The following SGCZ variants were observed in gnomAD, a reference collection of about 807,000 sequenced individuals.
The protein encoded by SGCZ is zeta-sarcoglycan.
Under a neutral mutation model 41.3 loss-of-function variants are expected in SGCZ, and 40 were observed. The ratio of observed to expected loss-of-function variants is 0.97; its 90% CI spans 0.75 to 1.26. The LOEUF (loss-of-function observed/expected upper bound fraction) is 1.26, where lower values mean the gene tolerates loss of function less well. Among genes scored for constraint, SGCZ ranks in the 50% most tolerant of loss-of-function variants. The pLI is 0.00. For synonymous variants in SGCZ, 206 were observed against 137.5 expected, an observed-to-expected ratio of 1.50 and a Z score of -3.49; for missense variants, 552 against 369.8, an observed-to-expected ratio of 1.49 and a Z score of -4.04.
intron 1 of SGCZ, among the ~76,000 whole-genome samples, chr8:14,865,557 G>A (rs973975730): frequency 1.3e-5 from 2 of 152,186 alleles, no homozygotes; most frequent in Non-Finnish European, 2.9e-5. Flanking sequence ...TGGAATGCAG[G>A]TATAAGCATG....
chr8:14,425,899 G>C lies in SGCZ; in HGVS notation c.235-101695C>G, dbSNP rs530498771. On this transcript the variant is annotated intron_variant, in intron 2 of 7. Coordinates refer to ENST00000382080, the MANE Select transcript of SGCZ (RefSeq NM_139167.4). ...TAATAATGATCATTTATTAAAGAAGGTTCAGGGAAGTAAAGAAAAAATGGA... is the reference window on the plus strand; with the variant it reads ...TAATAATGATCATTTATTAAAGAAGCTTCAGGGAAGTAAAGAAAAAATGGA... Among the ~76,000 whole-genome samples, 3 of 152,012 alleles carry C rather than the reference G, an allele frequency of 2.0e-5. 1 individual carries two copies. The South Asian group carries it at 6.2e-4, about 31-fold the overall frequency.
intron 1 of SGCZ, among the ~76,000 whole-genome samples, chr8:15,165,108 G>A (rs1799623318): frequency 6.6e-6 from 1 of 152,102 alleles, no homozygotes; most frequent in South Asian, 2.1e-4. Flanking sequence ...TGACCAACAT[G>A]GTGAAACCCT....
chr8:15,174,898 G>A (rs1799951595), intron 1 of SGCZ, among the ~76,000 whole-genome samples: 1 of 151,838 alleles, frequency 6.6e-6, no homozygotes, highest in South Asian at 2.1e-4. Context: ...ACTGTTGGGA[G>A]GAGTGTAAAT....
intron 1 of SGCZ, among the ~76,000 whole-genome samples, chr8:15,084,684 A>G (rs1805885332): frequency 6.6e-6 from 1 of 152,170 alleles, no homozygotes; most frequent in Non-Finnish European, 1.5e-5. Flanking sequence ...TCTGGGAGGC[A>G]GAGGTTGCAG....
At chr8:14,541,333 A>T (rs901507143) in intron 2 of SGCZ, among the ~76,000 whole-genome samples, 2 of 151,656 alleles carry the variant, frequency 1.3e-5, no homozygotes, top group African/African-American at 4.8e-5. Context: ...TTGATATGTG[A>T]TGTTCCCCTC....
At chr8:15,072,946 G>A (rs2131030894) in intron 1 of SGCZ, among the ~76,000 whole-genome samples, 1 of 152,256 alleles carries the variant, frequency 6.6e-6, no homozygotes, top group African/African-American at 2.4e-5. Context: ...CCACAGAGAT[G>A]CAGCTTGTCT....
intron 1 of SGCZ, among the ~76,000 whole-genome samples, chr8:14,715,201 A>G (rs778510344): frequency 1.3e-5 from 2 of 152,166 alleles, no homozygotes; most frequent in Non-Finnish European, 2.9e-5. Context: ...GAGAGTGAAT[A>G]CCTAACAATG....
At chr8:14,396,200 A>G (rs570473070) in intron 2 of SGCZ, among the ~76,000 whole-genome samples, 69 of 152,292 alleles carry the variant, frequency 4.5e-4, no homozygotes, top group African/African-American at 1.6e-3. Flanking sequence ...AATAACTCTT[A>G]TATCTGCTTC....
chr8:14,870,373 T>C (rs1269795172), intron 1 of SGCZ, among the ~76,000 whole-genome samples: 1 of 152,166 alleles, frequency 6.6e-6, no homozygotes, highest in Non-Finnish European at 1.5e-5. Flanking sequence ...TTGGGAAAAC[T>C]GGCTAGCCAT....
At chr8:14,704,491 T>G (rs1218809851) in intron 1 of SGCZ, among the ~76,000 whole-genome samples, 2 of 152,018 alleles carry the variant, frequency 1.3e-5, no homozygotes, top group Non-Finnish European at 2.9e-5. Flanking sequence ...CCTTATTAAT[T>G]CACCTTAATG....
chr8:14,660,589 A>AAAAAG (rs1016333380), intron 1 of SGCZ, among the ~76,000 whole-genome samples: 2 of 150,996 alleles, frequency 1.3e-5, no homozygotes, highest in African/African-American at 4.9e-5. Context: ...AAAAAAAAAA[A>AAAAAG]AGAGAGAAAA....
intron 1 of SGCZ, among the ~76,000 whole-genome samples, chr8:14,752,348 G>C (rs1409492917): frequency 6.6e-6 from 1 of 152,082 alleles, no homozygotes; most frequent in Admixed American, 6.6e-5. Context: ...CTCTTAAGCT[G>C]CTTGATCACA....
intron 1 of SGCZ, among the ~76,000 whole-genome samples, chr8:14,942,237 C>G (rs1434695936): frequency 1.3e-5 from 2 of 151,968 alleles, no homozygotes; most frequent in African/African-American, 4.8e-5. Context: ...CATGTTCAAC[C>G]AAGGGAGACA....
chr8:14,165,808 A>G (rs376622865), intron 4 of SGCZ, among the ~76,000 whole-genome samples: 24 of 152,214 alleles, frequency 1.6e-4, no homozygotes, highest in African/African-American at 5.1e-4. Context: ...ATTCCAAAAC[A>G]TCCTTAAATT....
intron 1 of SGCZ, among the ~76,000 whole-genome samples, chr8:15,203,153 C>A (rs1800949693): frequency 6.6e-6 from 1 of 152,056 alleles, no homozygotes; most frequent in African/African-American, 2.4e-5. Flanking sequence ...GTGCCTTACC[C>A]CAAGACCCTC....
rs1054533153 is a variant in SGCZ at position 14,323,054 on chromosome 8, A to G, written c.336+1049T>C. ...GATACCCAGAAACTAAAGGAGTACCAAAATAAAATTTCTAGTACCAGAGTA... is the reference window on the plus strand; with the variant it reads ...GATACCCAGAAACTAAAGGAGTACCGAAATAAAATTTCTAGTACCAGAGTA... On this transcript the variant is annotated intron_variant, in intron 3 of 7. Coordinates refer to ENST00000382080, the MANE Select transcript of SGCZ (RefSeq NM_139167.4). Among the ~76,000 whole-genome samples, 69 of 152,262 alleles carry G rather than the reference A, an allele frequency of 4.5e-4. 2 individuals carry two copies. The highest frequency in any genetic ancestry group is 1.4e-3 in the African/African-American group (59 of 41,574).
intron 2 of SGCZ, among the ~76,000 whole-genome samples, chr8:14,548,876 TATTTGGCGGGA>T (rs1399461328): frequency 6.6e-6 from 1 of 151,994 alleles, no homozygotes; most frequent in Non-Finnish European, 1.5e-5. Context: ...AATGAAGAGG[TATTTGGCGGGA>T]ATTATGTCTG....
rs373543394 is a variant in SGCZ, at chr8:15,051,451, T to G, written c.39+186134A>C. On this transcript the variant is annotated intron_variant, in intron 1 of 7. Transcript: ENST00000382080. ...TAGTTTGTTTACATTTGAAGCCTGTTATAAATCATGATGCTGTGAGCTTTT... is the reference window on the plus strand; with the variant it reads ...TAGTTTGTTTACATTTGAAGCCTGTGATAAATCATGATGCTGTGAGCTTTT... Among the ~76,000 whole-genome samples the G allele has an allele frequency of 5.9e-5, 9 of 152,266 alleles. No homozygotes were observed. In the South Asian group the frequency reaches 1.9e-3, roughly 32 times the overall value.
At position 14,555,274 on chromosome 8, in the gene SGCZ, G is replaced by C. The variant is rs375671506; in HGVS notation, c.40-348C>G. On this transcript the variant is annotated intron_variant, in intron 1 of 7. Coordinates refer to ENST00000382080, the MANE Select transcript of SGCZ (RefSeq NM_139167.4). The stretch of plus-strand genomic sequence containing the variant: ...TACTCATGTCCAAGTGATACAGTTT[G>C]GATCTATGTCCCCACCAAAATCTCA... 5.6e-4 allele frequency among the ~76,000 whole-genome samples: 85 copies of C among 152,106 alleles called. No homozygotes were observed. In the East Asian group the frequency reaches 0.01, roughly 18 times the overall value.
Sources: gnomAD v4.1 joint callset for allele counts (sites outside exome capture counted in the v4.1 genomes callset) on GRCh38, gnomAD v4.1.1 for gene constraint, MANE v1.5 for transcripts, NCBI Gene and HGNC (gene_info 2026-07-23, HGNC 2026-07-21) for gene names.